The following CBR3 variants were observed in gnomAD, a reference collection of about 807,000 sequenced individuals.
The protein encoded by CBR3 is carbonyl reductase [NADPH] 3.
In CBR3, 14 loss-of-function variants were observed where a neutral mutation model predicts 11.6. That is an observed-to-expected ratio of 1.20 (90% CI 0.79 to 1.88). The LOEUF is 1.88. Ranked by LOEUF, CBR3 falls within the 40% of genes most tolerant of loss-of-function variation. The probability of loss-of-function intolerance (pLI) is 0.00; values close to 1 mark genes in which losing one functional copy is unlikely to be tolerated. For missense variants in CBR3, 308 were observed against 357.3 expected, an observed-to-expected ratio of 0.86 and a Z score of 1.11; for synonymous variants, 125 against 145.6, an observed-to-expected ratio of 0.86 and a Z score of 1.02.
At chr21:36,137,543 GA>G (rs2065670590) in intron 1 of CBR3, among the ~76,000 whole-genome samples, 8 of 88,662 alleles carry the variant, frequency 9.0e-5, no homozygotes, top group Admixed American at 2.1e-4. Context: ...AGGAAGGAAG[GA>G]AGGAAGGAAG....
Position 36,135,318 on chromosome 21 carries a change from G to A in CBR3, c.126G>A (p.Arg42=). The part of the protein sequence containing the change: ...DVVLTARDVA[R]GQAAVQQLQA... ...TGCTCACCGCGCGGGACGTGGCGCG[G>A]GGCCAGGCGGCCGTGCAGCAGCTGC... is the stretch of plus-strand genomic sequence containing the variant. The change falls in exon 1 of 3, where the codon CGG becomes CGA. Residue 42 remains arginine, a synonymous_variant. Transcript: ENST00000290354. The A allele has an allele frequency of 6.2e-7, 1 of 1,610,986 alleles. No individual in the cohort carries two copies. Among genetic ancestry groups the A allele is most frequent in the Non-Finnish European group, 8.5e-7 (1 of 1,179,008 alleles).
At chr21:36,137,542 GGAAGGAAGGAA>G (rs1287005511) in intron 1 of CBR3, among the ~76,000 whole-genome samples, 1 of 81,956 alleles carries the variant, frequency 1.2e-5, no homozygotes, top group Non-Finnish European at 2.5e-5. Flanking sequence ...AAGGAAGGAA[GGAAGGAAGGAA>G]GGAAGGAAAG....
At chr21:36,135,605 G>T in intron 1 of CBR3, 124 bp downstream of exon 1, 1 of 918,600 alleles carries the variant, frequency 1.1e-6, no homozygotes, top group Non-Finnish European at 1.6e-6. Flanking sequence ...CTAGGGATGC[G>T]CTCAGCCCAC....
chr21:36,140,510 T>C (rs996670242), intron 2 of CBR3, among the ~76,000 whole-genome samples: 8 of 152,084 alleles, frequency 5.3e-5, no homozygotes. Flanking sequence ...GGGATGTCTT[T>C]TACCCAGTGT....
At chr21:36,135,875 C>A (rs985576293) in intron 1 of CBR3, among the ~76,000 whole-genome samples, 2 of 152,262 alleles carry the variant, frequency 1.3e-5, no homozygotes, top group East Asian at 3.9e-4. Context: ...TTTGGGCTTT[C>A]GCTTTCCTTG....
chr21:36,138,079 A>G, intron 2 of CBR3, 147 bp downstream of exon 2: 1 of 616,362 alleles, frequency 1.6e-6, no homozygotes, highest in South Asian at 2.0e-5. Flanking sequence ...ATTTTCCCAC[A>G]GTGTTTGGCT....
chr21:36,144,337 C>A (rs2065738002), intron 2 of CBR3, among the ~76,000 whole-genome samples: 1 of 152,096 alleles, frequency 6.6e-6, no homozygotes, highest in African/African-American at 2.4e-5. Context: ...CACACACCTT[C>A]ATCCCAGCTA....
chr21:36,143,244 A>G (rs1310516245), intron 2 of CBR3, among the ~76,000 whole-genome samples: 1 of 151,496 alleles, frequency 6.6e-6, no homozygotes, highest in African/African-American at 2.4e-5. Context: ...TAGAGGTTGC[A>G]GTGAGCTGAG....
In CBR3 at chr21:36,146,414, G is replaced by T. The variant is rs781530037; in HGVS notation, c.736G>T (p.Glu246Ter). Residue 246 changes from glutamate to a stop codon, truncating the protein, a stop_gained, in exon 3 of 3, where the codon GAG becomes TAG. Transcript: ENST00000290354. LOFTEE classifies it high-confidence loss of function. Reference protein sequence around the residue: ...DGKDSIRTVEEGAETPVYLAL... With the variant: ...DGKDSIRTVE Reference sequence around the variant, plus strand: ...GAAAGACAGCATCAGGACTGTGGAGGAGGGGGCTGAGACCCCTGTCTACTT... The same window carrying T: ...GAAAGACAGCATCAGGACTGTGGAGTAGGGGGCTGAGACCCCTGTCTACTT... 4.8e-5 allele frequency: 77 copies of T among 1,614,100 alleles called. No individual in the cohort carries two copies. The Admixed American group carries it at 6.3e-4, about 13-fold the overall frequency.
chr21:36,140,697 T>C (rs1378879168), intron 2 of CBR3, among the ~76,000 whole-genome samples: 1 of 152,122 alleles, frequency 6.6e-6, no homozygotes, highest in African/African-American at 2.4e-5. Flanking sequence ...ATTCTCACCA[T>C]TCACCTTTTT....
In CBR3 at chr21:36,135,169, G is replaced by A; in HGVS notation, c.-24G>A. On this transcript the variant is annotated 5_prime_UTR_variant, in exon 1 of 3. In the 5' UTR this introduces an upstream ATG that the reference lacks. Transcript: ENST00000290354. ...GAAGCCCGGTCCGCCCTCCACGCAG[G>A]TGCCCCGCGCTCCCCGCTCAGCCAT... The A allele has an allele frequency of 7.0e-7, 1 of 1,429,402 alleles. No homozygotes were observed. Among genetic ancestry groups the A allele is most frequent in the South Asian group, 1.5e-5 (1 of 66,404 alleles). 88.5% of individuals were successfully genotyped at this position (1,429,402 alleles called of 1,614,324 possible).
At chr21:36,145,972 A>AAC in intron 2 of CBR3, 104 bp from the exon 3 acceptor site, 1 of 803,168 alleles carries the variant, frequency 1.2e-6, no homozygotes, top group East Asian at 2.7e-5. Context: ...AAAAAAAAAA[A>AAC]AAAAAAAAAC....
intron 1 of CBR3, 83 bp downstream of exon 1, chr21:36,135,564 C>G: frequency 7.5e-7 from 1 of 1,324,918 alleles, no homozygotes. Context: ...CACCCGTCCA[C>G]TTGAGTGACC....
rs71326645 is a variant in CBR3 at position 36,142,431 on chromosome 21, C to CAAAAAAAAAAAAAAAAAA, written c.398-3628_398-3627insAAAAAAAAAAAAAAAAAA. 1.4e-3 allele frequency among the ~76,000 whole-genome samples: 58 copies of CAAAAAAAAAAAAAAAAAA among 40,360 alleles called. 4 individuals carry two copies. Among genetic ancestry groups the CAAAAAAAAAAAAAAAAAA allele is most frequent in the African/African-American group, 4.5e-3 (40 of 8,836 alleles). 26.5% of individuals were successfully genotyped at this position (40,360 alleles called of 152,430 possible). A position where few individuals can be genotyped will look rare whatever the true frequency, so the allele number is the denominator to read the frequency against. On this transcript the variant is annotated intron_variant, in intron 2 of 2. Transcript: ENST00000290354. ...TAGGTGACAGAGCGAGACTCCATCT[C>CAAAAAAAAAAAAAAAAAA]AAAAAAAAAAAAAAAAACGCAATCC...
Position 36,146,063 on chromosome 21 carries a change from C to T in CBR3, c.398-13C>T, listed in dbSNP as rs951708159. 2.5e-6 allele frequency: 4 copies of T among 1,571,660 alleles called. No individual in the cohort carries two copies. The highest frequency in any genetic ancestry group is 3.5e-6 in the Non-Finnish European group (4 of 1,145,032). ...CTGTGATATGCTTTCATATATTTAT[C>T]ATTCTGTTTCAGGGAGAGTGGTGAA... is the stretch of plus-strand genomic sequence containing the variant. On this transcript the variant is annotated splice_polypyrimidine_tract_variant and intron_variant, in intron 2 of 2. Transcript: ENST00000290354.
At chr21:36,138,302 C>T (rs1048029108) in intron 2 of CBR3, 2 of 167,214 alleles carry the variant, frequency 1.2e-5, no homozygotes, top group African/African-American at 4.8e-5. Flanking sequence ...CACCCACTAC[C>T]ACACCCGGCT....
At chr21:36,145,942 C>T (rs2065750735) in intron 2 of CBR3, 134 bp from the exon 3 acceptor site, 1 of 651,754 alleles carries the variant, frequency 1.5e-6, no homozygotes, top group Non-Finnish European at 2.5e-6. Context: ...GCCTGGGCAA[C>T]AGGGCGAGAC....
At chr21:36,135,597 AG>A (rs2123333750) in intron 1 of CBR3, 116 bp downstream of exon 1, 2 of 987,130 alleles carry the variant, frequency 2.0e-6, no homozygotes, top group Non-Finnish European at 2.9e-6. Flanking sequence ...GCCGACCCCT[AG>A]GGATGCGCTC....
chr21:36,143,375 A>G (rs186975663), intron 2 of CBR3, among the ~76,000 whole-genome samples: 1 of 152,236 alleles, frequency 6.6e-6, no homozygotes, highest in Non-Finnish European at 1.5e-5. Flanking sequence ...AGAACTCACT[A>G]AAATTAGTGG....
Sources: allele counts gnomAD v4.1 joint callset (sites outside exome capture counted in the v4.1 genomes callset), GRCh38; gene constraint gnomAD v4.1.1; transcripts MANE v1.5; gene names NCBI Gene and HGNC (gene_info 2026-07-23, HGNC 2026-07-21).